LAMC3: variants seen among roughly 807,000 people sequenced by gnomAD.
LAMC3 encodes the protein laminin subunit gamma-3.
In LAMC3, 128 loss-of-function variants were observed where a neutral mutation model predicts 173.8. That is an observed-to-expected ratio of 0.74 (90% CI 0.64 to 0.85). LAMC3 has a LOEUF of 0.85. Among genes scored for constraint, LAMC3 ranks in the 40% least tolerant of loss-of-function variants. The pLI, the probability that LAMC3 is intolerant of heterozygous loss-of-function variation, is 0.00. For synonymous variants in LAMC3, 897 were observed against 909.1 expected, an observed-to-expected ratio of 0.99 and a Z score of 0.24; for missense variants, 2,022 against 2,156.0, an observed-to-expected ratio of 0.94 and a Z score of 1.23.
In LAMC3 at chr9:131,026,644, CAGT is replaced by C; in HGVS notation, c.678+58_678+60del. On this transcript the variant is annotated intron_variant, in intron 2 of 27. Coordinates refer to ENST00000361069, the MANE Select transcript of LAMC3 (RefSeq NM_006059.4). The surrounding 1 kb of genome is among the most constrained non-coding windows in gnomAD (Gnocchi z 4.8). Reference sequence around the variant, plus strand: ...GGACGGGGTTGGGACTGGGTCACGGCAGTAGGAGGGTCTGATGTGCCAGGACAC... The same window carrying C: ...GGACGGGGTTGGGACTGGGTCACGGCAGGAGGGTCTGATGTGCCAGGACAC... 6.7e-7 allele frequency: 1 copy of C among 1,493,506 alleles called. No homozygotes were observed. The highest frequency in any genetic ancestry group is 8.9e-7 in the Non-Finnish European group (1 of 1,122,230). 92.5% of individuals were successfully genotyped at this position (1,493,506 alleles called of 1,614,324 possible). A position where few individuals can be genotyped will look rare whatever the true frequency, so the allele number is the denominator to read the frequency against.
At position 131,093,631 on chromosome 9, in the gene LAMC3, AG is replaced by A. The variant is rs1449785663; in HGVS notation, c.*1848del. 1.3e-5 allele frequency: 2 copies of A among 152,132 alleles called. No individual in the cohort carries two copies. Among genetic ancestry groups the A allele is most frequent in the African/African-American group, 2.4e-5 (1 of 41,388 alleles). The allele number at this position is 152,132 out of a possible 1,614,324, so 9.4% of individuals were successfully genotyped here. On this transcript the variant is annotated 3_prime_UTR_variant, in exon 28 of 28. Transcript: ENST00000361069. Reference sequence around the variant, plus strand: ...CCTCCTGAGGTGGTTTCAGCAGAAAAGGGGTGTTGGGAGGGTCGCTTGGAAC... The same window carrying A: ...CCTCCTGAGGTGGTTTCAGCAGAAAAGGGTGTTGGGAGGGTCGCTTGGAAC...
intron 13 of LAMC3, among the ~76,000 whole-genome samples, chr9:131,066,733 T>C (rs1829940165): frequency 6.6e-6 from 1 of 152,108 alleles, no homozygotes; most frequent in Non-Finnish European, 1.5e-5. Flanking sequence ...GGAGCTGCCA[T>C]TGTTGTCCCC....
At chr9:131,018,192 T>A (rs1212321578) in intron 1 of LAMC3, among the ~76,000 whole-genome samples, 1 of 150,472 alleles carries the variant, frequency 6.6e-6, no homozygotes, top group South Asian at 2.1e-4. Flanking sequence ...TGGAGTGAAG[T>A]GGCATGATCT....
Position 131,061,185 on chromosome 9 carries a change from G to A in LAMC3, c.2309G>A (p.Arg770Gln), listed in dbSNP as rs755627961. 1.1e-5 allele frequency: 18 copies of A among 1,610,142 alleles called. No individual in the cohort carries two copies. The Admixed American group carries it at 2.5e-4, about 22-fold the overall frequency. The change falls in exon 13 of 28, where the codon CGG becomes CAG. Residue 770 changes from arginine to glutamine, a missense_variant. Physicochemically the swap from Arg to Gln is conservative, Grantham distance 43. Transcript: ENST00000361069. ...QSACTTIPES[R>Q]EVVCTHCPPG... Reference sequence around the variant, plus strand: ...GCCTGTACGACCATCCCAGAGAGCCGGGAGGTGGTGTGTACCCACTGCCCC... The same window carrying A: ...GCCTGTACGACCATCCCAGAGAGCCAGGAGGTGGTGTGTACCCACTGCCCC...
chr9:131,033,022 GTGGTCCTGGTCC>G (rs368711738), intron 3 of LAMC3, among the ~76,000 whole-genome samples: 33 of 152,296 alleles, frequency 2.2e-4, no homozygotes, highest in African/African-American at 4.1e-4. Flanking sequence ...TCTCTGGCCC[GTGGTCCTGGTCC>G]TGGTCCTGGT....
chr9:131,044,331 G>A (rs1228312744), intron 7 of LAMC3, among the ~76,000 whole-genome samples: 1 of 151,556 alleles, frequency 6.6e-6, no homozygotes, highest in Non-Finnish European at 1.5e-5. Context: ...CCAACATAGT[G>A]AAACCCTGTC....
intron 1 of LAMC3, among the ~76,000 whole-genome samples, chr9:131,015,445 C>T (rs1833503175): frequency 6.6e-6 from 1 of 152,164 alleles, no homozygotes; most frequent in African/African-American, 2.4e-5. Flanking sequence ...CAGCCATGCC[C>T]TTCCCCAGCT....
chr9:131,073,536 A>G (rs1031046188), intron 20 of LAMC3, among the ~76,000 whole-genome samples: 24 of 152,226 alleles, frequency 1.6e-4, no homozygotes, highest in Non-Finnish European at 3.1e-4. Flanking sequence ...AAGGCGTCAG[A>G]GAGCATCTGC....
At chr9:131,015,782 A>G (rs1833509906) in intron 1 of LAMC3, among the ~76,000 whole-genome samples, 1 of 152,132 alleles carries the variant, frequency 6.6e-6, no homozygotes, top group African/African-American at 2.4e-5. Flanking sequence ...CAGCCTCCCA[A>G]GTAGCTGAGA....
chr9:131,036,386 G>A (rs1028766500), intron 4 of LAMC3, 54 bp downstream of exon 4: 23 of 1,603,844 alleles, frequency 1.4e-5, no homozygotes, highest in Admixed American at 1.0e-4. Context: ...TGTTGCAGGC[G>A]GGGAAAGGAA....
rs1246726502 is a variant in LAMC3, at chr9:131,018,340, G to A, written c.374-7945G>A. ...AGTAGAAACGAGGTTTCACCATGTT[G>A]CCCAGGGTGGTCTCGAACTCCTGAG... is the stretch of plus-strand genomic sequence containing the variant. On this transcript the variant is annotated intron_variant, in intron 1 of 27. Transcript: ENST00000361069. Among the ~76,000 whole-genome samples the A allele has an allele frequency of 2.0e-5, 3 of 152,056 alleles. No homozygotes were observed. The South Asian group carries it at 6.2e-4, about 32-fold the overall frequency.
chr9:131,094,361 C>T lies in LAMC3; in HGVS notation c.*2574C>T, dbSNP rs1273457467. The T allele has an allele frequency of 6.6e-6, 1 of 151,696 alleles. No homozygotes were observed. The highest frequency in any genetic ancestry group is 1.9e-4 in the East Asian group (1 of 5,196). 9.4% of individuals were successfully genotyped at this position (151,696 alleles called of 1,614,324 possible). The stretch of plus-strand genomic sequence containing the variant: ...GGCCAATAATGGATGACCGGTGCCA[C>T]CCCCCAACCTAATGGGAGATGGTGT... On this transcript the variant is annotated 3_prime_UTR_variant, in exon 28 of 28. Transcript: ENST00000361069.
At chr9:131,064,160 A>T (rs1228751050) in intron 13 of LAMC3, among the ~76,000 whole-genome samples, 3 of 152,112 alleles carry the variant, frequency 2.0e-5, no homozygotes, top group Admixed American at 1.3e-4. Flanking sequence ...CACTCACCTC[A>T]GCCTCCCAAA....
intron 8 of LAMC3, among the ~76,000 whole-genome samples, chr9:131,048,796 A>G (rs754305974): frequency 6.6e-6 from 1 of 152,074 alleles, no homozygotes; most frequent in Non-Finnish European, 1.5e-5. Context: ...CAGGGCCCCC[A>G]TGTGGGGGTC....
chr9:131,084,450 C>T (rs1420391237), intron 24 of LAMC3, among the ~76,000 whole-genome samples: 1 of 152,110 alleles, frequency 6.6e-6, no homozygotes, highest in African/African-American at 2.4e-5. Context: ...GCCTGATCCT[C>T]CTGCTTCAGC....
At chr9:131,063,669 A>G (rs949331883) in intron 13 of LAMC3, among the ~76,000 whole-genome samples, 1 of 152,114 alleles carries the variant, frequency 6.6e-6, no homozygotes, top group African/African-American at 2.4e-5. Flanking sequence ...CCCTCCCAGG[A>G]CTTCCAGAGC....
intron 13 of LAMC3, among the ~76,000 whole-genome samples, chr9:131,065,871 A>C (rs61528655): frequency 0.063 from 9,621 of 151,634 alleles, 1,040 homozygotes; most frequent in African/African-American, 0.22. Context: ...TGATGATGAG[A>C]AGGATGAGGT....
rs963107676 is a variant in LAMC3, at chr9:131,093,894, T to G, written c.*2107T>G. 2 of 152,184 alleles carry G rather than the reference T, an allele frequency of 1.3e-5. No homozygotes were observed. Among genetic ancestry groups the G allele is most frequent in the Non-Finnish European group, 2.9e-5 (2 of 68,086 alleles). The allele number at this position is 152,184 out of a possible 1,614,324, so 9.4% of individuals were successfully genotyped here. On this transcript the variant is annotated 3_prime_UTR_variant, in exon 28 of 28. Transcript: ENST00000361069. ...AGTGGCATGATCTCTGCCCACTGCA[T>G]CCTCCACCTCCCAGGTTTAAGCAAT...
At chr9:131,021,306 T>C (rs1362774783) in intron 1 of LAMC3, 1 of 152,214 alleles carries the variant, frequency 6.6e-6, no homozygotes, top group African/African-American at 2.4e-5. Context: ...AATAGATGCA[T>C]TGTTTTTAGT....
Sources: allele counts gnomAD v4.1 joint callset (sites outside exome capture counted in the v4.1 genomes callset), GRCh38; gene constraint gnomAD v4.1.1; non-coding constraint Gnocchi (gnomAD v3.1); transcripts MANE v1.5; gene names NCBI Gene and HGNC (gene_info 2026-07-23, HGNC 2026-07-21).